The following PDZRN4 variants were observed in gnomAD, a reference collection of about 807,000 sequenced individuals.
PDZRN4 encodes the protein PDZ domain containing ring finger 4.
PDZRN4 carries 70 observed loss-of-function variants against 99.0 expected under a neutral mutation model. The ratio of observed to expected loss-of-function variants is 0.71; its 90% confidence interval spans 0.58 to 0.86. The LOEUF is 0.86. PDZRN4 is among the 40% of genes least tolerant of loss of function. PDZRN4 has a pLI of 0.00. For synonymous variants in PDZRN4, 551 were observed against 501.6 expected, an observed-to-expected ratio of 1.10 and a Z score of -1.32; for missense variants, 1,474 against 1,331.2, an observed-to-expected ratio of 1.11 and a Z score of -1.67.
Position 41,506,417 on chromosome 12 carries a change from C to T in PDZRN4, c.844-39C>T. 5 of 1,552,414 alleles carry T rather than the reference C, an allele frequency of 3.2e-6. No individual in the cohort carries two copies. The South Asian group carries it at 6.2e-5, about 19-fold the overall frequency. ...AATCTATCATGACAGCCTCTCTGAT[C>T]TTTCCTCTGAGATGAACAATGTCCT... On this transcript the variant is annotated intron_variant, in intron 3 of 9. Coordinates refer to ENST00000402685, the MANE Select transcript of PDZRN4 (RefSeq NM_001164595.2).
At chr12:41,486,048 C>T (rs186300890) in intron 3 of PDZRN4, among the ~76,000 whole-genome samples, 3 of 152,080 alleles carry the variant, frequency 2.0e-5, no homozygotes, top group East Asian at 1.9e-4. Context: ...TTATGTAAGG[C>T]GGAATAATAG....
intron 3 of PDZRN4, among the ~76,000 whole-genome samples, chr12:41,305,874 G>T (rs988867584): frequency 6.6e-6 from 1 of 152,134 alleles, no homozygotes; most frequent in Non-Finnish European, 1.5e-5. Context: ...CTAAAGTCCA[G>T]AGTCTCATCT....
chr12:41,188,387 C>A lies in PDZRN4; in HGVS notation c.-69C>A. 1 of 1,401,728 alleles carries A rather than the reference C, an allele frequency of 7.1e-7. No homozygotes were observed. Among genetic ancestry groups the A allele is most frequent in the Non-Finnish European group, 9.4e-7 (1 of 1,068,148 alleles). The allele number at this position is 1,401,728 out of a possible 1,614,324, so 86.8% of individuals were successfully genotyped here. On this transcript the variant is annotated 5_prime_UTR_variant, in exon 1 of 10. Transcript: ENST00000402685. Reference sequence around the variant, plus strand: ...CGAGACGGCTGCCCCGGGGGTGGCCCGGGGAAGGCAGGGGGGCTCGGAGAA... The same window carrying A: ...CGAGACGGCTGCCCCGGGGGTGGCCAGGGGAAGGCAGGGGGGCTCGGAGAA...
chr12:41,433,475 A>G, intron 3 of PDZRN4, among the ~76,000 whole-genome samples: 1 of 152,226 alleles, frequency 6.6e-6, no homozygotes, highest in East Asian at 1.9e-4. Context: ...GTGTCTACTA[A>G]TATTCAAAAG....
intron 3 of PDZRN4, among the ~76,000 whole-genome samples, chr12:41,268,950 C>A (rs562965158): frequency 1.3e-5 from 2 of 152,290 alleles, no homozygotes; most frequent in East Asian, 3.9e-4. Flanking sequence ...CTGGATAATA[C>A]AATTCTGTAT....
At chr12:41,461,552 C>T (rs1267560817) in intron 3 of PDZRN4, among the ~76,000 whole-genome samples, 2 of 152,156 alleles carry the variant, frequency 1.3e-5, no homozygotes, top group East Asian at 1.9e-4. Context: ...CACCTCCATG[C>T]GTTATTCCCT....
At chr12:41,250,491 T>C (rs902720642) in intron 3 of PDZRN4, among the ~76,000 whole-genome samples, 4 of 152,228 alleles carry the variant, frequency 2.6e-5, no homozygotes, top group African/African-American at 7.2e-5. Context: ...AAGTTCAAGA[T>C]ACTTTTGTAA....
At chr12:41,229,138 A>C (rs1009751107) in intron 3 of PDZRN4, among the ~76,000 whole-genome samples, 5 of 151,224 alleles carry the variant, frequency 3.3e-5, no homozygotes, top group Non-Finnish European at 5.9e-5. Flanking sequence ...GTTTACACTG[A>C]TAACCTGAGA....
At chr12:41,324,528 T>C (rs542719440) in intron 3 of PDZRN4, among the ~76,000 whole-genome samples, 27 of 152,246 alleles carry the variant, frequency 1.8e-4, no homozygotes, top group Admixed American at 4.6e-4. Context: ...AAAATAGCAA[T>C]ATTTTTCGTT....
intron 3 of PDZRN4, among the ~76,000 whole-genome samples, chr12:41,258,782 C>A (rs149111027): frequency 1.3e-5 from 2 of 151,936 alleles, no homozygotes; most frequent in Non-Finnish European, 2.9e-5. Context: ...AATAAATAAG[C>A]TAAGAGATAT....
chr12:41,425,102 A>G (rs916601989), intron 3 of PDZRN4, among the ~76,000 whole-genome samples: 4 of 152,200 alleles, frequency 2.6e-5, no homozygotes, highest in Non-Finnish European at 5.9e-5. Context: ...AGGCTTTTTA[A>G]TAGATTAAAA....
intron 7 of PDZRN4, among the ~76,000 whole-genome samples, chr12:41,559,770 G>A (rs1240220403): frequency 1.3e-5 from 2 of 152,148 alleles, no homozygotes; most frequent in African/African-American, 2.4e-5. Flanking sequence ...TAATCCCTAT[G>A]TGTGGTGGGA....
At chr12:41,310,173 T>C (rs2120948560) in intron 3 of PDZRN4, among the ~76,000 whole-genome samples, 1 of 152,238 alleles carries the variant, frequency 6.6e-6, no homozygotes, top group South Asian at 2.1e-4. Flanking sequence ...CCTCAAGCGA[T>C]CCACCCGCCT....
intron 3 of PDZRN4, among the ~76,000 whole-genome samples, chr12:41,278,272 CAT>C (rs1951362887): frequency 6.6e-6 from 1 of 152,126 alleles, no homozygotes; most frequent in African/African-American, 2.4e-5. Context: ...GGAAGAAAAA[CAT>C]AGACACAAGA....
rs1238069783 is a variant in PDZRN4 at position 41,552,654 on chromosome 12, A to G, written c.1204-2A>G. 6.2e-7 allele frequency: 1 copy of G among 1,610,830 alleles called. No individual in the cohort carries two copies. Among genetic ancestry groups the G allele is most frequent in the Non-Finnish European group, 8.5e-7 (1 of 1,177,152 alleles). ...TGTCATCTGTGTGTGTTGTTCTTTCAGGAGGTCGAGTTGTGTCGTGTTAGC... is the reference window on the plus strand; with the variant it reads ...TGTCATCTGTGTGTGTTGTTCTTTCGGGAGGTCGAGTTGTGTCGTGTTAGC... On this transcript the variant is annotated splice_acceptor_variant, in intron 5 of 9. Transcript: ENST00000402685. LOFTEE classifies it high-confidence loss of function.
At chr12:41,515,789 G>A (rs556848212) in intron 5 of PDZRN4, among the ~76,000 whole-genome samples, 5 of 151,834 alleles carry the variant, frequency 3.3e-5, no homozygotes, top group Non-Finnish European at 7.4e-5. Context: ...CCTAGTCTTT[G>A]CAGGCTGTCC....
At chr12:41,432,761 G>A (rs3110389) in intron 3 of PDZRN4, among the ~76,000 whole-genome samples, 31,755 of 152,112 alleles carry the variant, frequency 0.21, 3,673 homozygotes, top group Non-Finnish European at 0.26. Context: ...GGAAGAAGGA[G>A]CCTTTAAACT....
chr12:41,209,029 G>C (rs1489869182), intron 3 of PDZRN4, among the ~76,000 whole-genome samples: 1 of 152,022 alleles, frequency 6.6e-6, no homozygotes. Context: ...ATTTGTGTGT[G>C]TGTGTATGCA....
intron 3 of PDZRN4, among the ~76,000 whole-genome samples, chr12:41,202,531 T>C (rs1950824003): frequency 6.6e-6 from 1 of 152,060 alleles, no homozygotes; most frequent in Non-Finnish European, 1.5e-5. Flanking sequence ...CTATGAATTA[T>C]TACAGCCACA....
Sources: gnomAD v4.1 joint callset for allele counts (sites outside exome capture counted in the v4.1 genomes callset) on GRCh38, gnomAD v4.1.1 for gene constraint, MANE v1.5 for transcripts, NCBI Gene and HGNC (gene_info 2026-07-23, HGNC 2026-07-21) for gene names.